Variants in GIGYF2 observed in about 807,000 individuals in gnomAD.
GIGYF2 encodes GRB10-interacting GYF protein 2.
GIGYF2 carries 25 observed loss-of-function variants against 208.1 expected under a neutral mutation model. That is an observed-to-expected ratio of 0.12 (90% CI 0.09 to 0.17). The LOEUF (loss-of-function observed/expected upper bound fraction) is 0.17, where lower values mean the gene tolerates loss of function less well. GIGYF2 is among the 10% of genes least tolerant of loss of function. The probability of loss-of-function intolerance (pLI) is 1.00; values close to 1 mark genes in which losing one functional copy is unlikely to be tolerated. For missense variants in GIGYF2, 1,302 were observed against 1,579.4 expected, an observed-to-expected ratio of 0.82 and a Z score of 2.98; for synonymous variants, 534 against 543.8, an observed-to-expected ratio of 0.98 and a Z score of 0.25.
At chr2:232,748,813 C>G (rs147906701) in intron 4 of GIGYF2, among the ~76,000 whole-genome samples, 174 bp from the exon 5 acceptor site, 44 of 152,210 alleles carry the variant, frequency 2.9e-4, no homozygotes, top group African/African-American at 1.1e-3. Flanking sequence ...TTAATATTGA[C>G]TCTCTCAAAA....
intron 18 of GIGYF2, among the ~76,000 whole-genome samples, chr2:232,814,343 A>G (rs1700837384): frequency 1.3e-5 from 2 of 151,948 alleles, no homozygotes; most frequent in Admixed American, 1.3e-4. Flanking sequence ...TGGGTGGATC[A>G]CGAAGTCAGA....
In GIGYF2 at chr2:232,816,970, CG is replaced by C; in HGVS notation, c.2310del (p.Arg771AspfsTer34). On this transcript the variant is annotated frameshift_variant, in exon 20 of 29. Transcript: ENST00000373563. LOFTEE classifies it high-confidence loss of function. ...ELRRQQEEIL[R>X]RQQEEERKRR... Reference sequence around the variant, plus strand: ...CCGAAGACAACAGGAGGAAATTCTTCGGCGACAGCAGGAAGAAGAAAGGAAA... The same window carrying C: ...CCGAAGACAACAGGAGGAAATTCTTCGCGACAGCAGGAAGAAGAAAGGAAA... 1 of 1,613,022 alleles carries C rather than the reference CG, an allele frequency of 6.2e-7. No individual in the cohort carries two copies. The highest frequency in any genetic ancestry group is 8.5e-7 in the Non-Finnish European group (1 of 1,179,130).
At chr2:232,714,693 T>C (rs1404021719) in intron 2 of GIGYF2, among the ~76,000 whole-genome samples, 2 of 152,202 alleles carry the variant, frequency 1.3e-5, no homozygotes, top group Non-Finnish European at 2.9e-5. Context: ...TAGTCATTTT[T>C]CCTCCTCCAC....
At chr2:232,803,682 T>TCCTTCACCAGTACTGTACAA (rs1417159519) in intron 14 of GIGYF2, among the ~76,000 whole-genome samples, 14 of 94,372 alleles carry the variant, frequency 1.5e-4, no homozygotes, top group South Asian at 4.1e-4. Flanking sequence ...TTCTTTTTTT[T>TCCTTCACCAGTACTGTACAA]TTTTTTTTTT....
chr2:232,797,071 A>AC (rs1700244117), intron 14 of GIGYF2, among the ~76,000 whole-genome samples: 1 of 113,526 alleles, frequency 8.8e-6, no homozygotes, highest in Non-Finnish European at 1.7e-5. Context: ...GTGTTGGAGG[A>AC]CCTTGACTGT....
rs375998656 is a variant in GIGYF2, at chr2:232,816,911, G to A, written c.2249G>A (p.Arg750Gln). 6.2e-7 allele frequency: 1 copy of A among 1,612,946 alleles called. No homozygotes were observed. Among genetic ancestry groups the A allele is most frequent in the Admixed American group, 1.7e-5 (1 of 60,014 alleles). Residue 750 changes from arginine (R) to glutamine (Q), a missense_variant, in exon 20 of 29, where the codon CGG becomes CAG. Coordinates refer to ENST00000373563, the MANE Select transcript of GIGYF2 (RefSeq NM_001103146.3). ...AGAGAGGCAGAAATGAGGGCAAAAC[G>A]GGAAGAGGAAGAGCGAAAGAGGCAG... ...ERREAEMRAK[R>Q]EEEERKRQEE... is the part of the protein sequence containing the mutation.
At chr2:232,813,187 CTTTTTTTTTTT>C (rs894736273) in intron 18 of GIGYF2, among the ~76,000 whole-genome samples, 20 of 123,890 alleles carry the variant, frequency 1.6e-4, no homozygotes, top group East Asian at 6.9e-4. Flanking sequence ...TCTTTGCTTT[CTTTTTTTTTTT>C]TTTTTTTTTG....
chr2:232,734,747 G>A (rs1358821642), intron 2 of GIGYF2, among the ~76,000 whole-genome samples: 2 of 152,174 alleles, frequency 1.3e-5, no homozygotes, highest in African/African-American at 4.8e-5. Flanking sequence ...AATCTTTGAT[G>A]TACCTCATGG....
intron 15 of GIGYF2, among the ~76,000 whole-genome samples, chr2:232,807,545 C>T (rs991435133): frequency 3.3e-5 from 5 of 151,968 alleles, no homozygotes; most frequent in Admixed American, 3.3e-4. Context: ...TAAAAGGAAC[C>T]GTAATGCTAG....
At chr2:232,752,849 A>G (rs1295155222) in intron 5 of GIGYF2, among the ~76,000 whole-genome samples, 1 of 151,952 alleles carries the variant, frequency 6.6e-6, no homozygotes, top group Non-Finnish European at 1.5e-5. Flanking sequence ...CTATTTATTC[A>G]TTCTTGATAA....
At chr2:232,763,545 C>G (rs1036565798) in intron 8 of GIGYF2, among the ~76,000 whole-genome samples, 1 of 152,054 alleles carries the variant, frequency 6.6e-6, no homozygotes, top group South Asian at 2.1e-4. Context: ...TTATGTGAGG[C>G]TGGGCACAGT....
At chr2:232,719,782 C>A (rs540972145) in intron 2 of GIGYF2, among the ~76,000 whole-genome samples, 1 of 152,240 alleles carries the variant, frequency 6.6e-6, no homozygotes, top group South Asian at 2.1e-4. Context: ...TACAAGGATA[C>A]AATTTATTGA....
At chr2:232,815,594 G>T (rs536873646) in intron 18 of GIGYF2, 43 bp from the exon 19 acceptor site, 11 of 1,043,964 alleles carry the variant, frequency 1.1e-5, no homozygotes, top group African/African-American at 9.3e-5. Flanking sequence ...CACCATGTGT[G>T]TAAGCTCTGT....
intron 9 of GIGYF2, among the ~76,000 whole-genome samples, chr2:232,787,656 T>C (rs1241995647): frequency 2.0e-5 from 3 of 152,220 alleles, no homozygotes; most frequent in Non-Finnish European, 1.5e-5. Context: ...CTTTAAGATT[T>C]ATAAATGTGT....
chr2:232,746,078 T>G (rs1458684528), intron 3 of GIGYF2, among the ~76,000 whole-genome samples: 1 of 152,024 alleles, frequency 6.6e-6, no homozygotes, highest in Non-Finnish European at 1.5e-5. Context: ...GGCAATATAG[T>G]GAGACCCTGT....
intron 8 of GIGYF2, among the ~76,000 whole-genome samples, chr2:232,763,998 T>C (rs190156568): frequency 1.3e-5 from 2 of 152,334 alleles, no homozygotes; most frequent in Admixed American, 1.3e-4. Flanking sequence ...TCAACAAATA[T>C]TAAATTCTCA....
intron 5 of GIGYF2, among the ~76,000 whole-genome samples, chr2:232,753,745 AG>A (rs770700182): frequency 3.3e-5 from 5 of 152,188 alleles, no homozygotes; most frequent in Non-Finnish European, 7.4e-5. Context: ...TTGAGTATAG[AG>A]GCCAGAATTC....
At position 232,760,538 on chromosome 2, in the gene GIGYF2, T is replaced by G; in HGVS notation, c.438T>G (p.Val146=). The G allele has an allele frequency of 6.2e-7, 1 of 1,613,600 alleles. No homozygotes were observed. Among genetic ancestry groups the G allele is most frequent in the Non-Finnish European group, 8.5e-7 (1 of 1,179,786 alleles). Residue 146 remains valine (V), a synonymous_variant, in exon 7 of 29, where the codon GTT becomes GTG. Coordinates refer to ENST00000373563, the MANE Select transcript of GIGYF2 (RefSeq NM_001103146.3). ...GAAGTTTTGATGAAGTAGAGGGTGTTTTTGGTCGAGGAGGTGGCAGAGAAA... is the reference window on the plus strand; with the variant it reads ...GAAGTTTTGATGAAGTAGAGGGTGTGTTTGGTCGAGGAGGTGGCAGAGAAA... The part of the protein sequence containing the change: ...YQRSFDEVEG[V]FGRGGGREMH...
chr2:232,764,081 A>G (rs1163609954), intron 8 of GIGYF2, among the ~76,000 whole-genome samples: 12 of 152,222 alleles, frequency 7.9e-5, no homozygotes, highest in Admixed American at 5.2e-4. Flanking sequence ...AAATCATTCA[A>G]TATTGTGAGG....
Sources: allele counts gnomAD v4.1 joint callset (sites outside exome capture counted in the v4.1 genomes callset), GRCh38; gene constraint gnomAD v4.1.1; transcripts MANE v1.5; gene names NCBI Gene and HGNC (gene_info 2026-07-23, HGNC 2026-07-21).